The following TANC2 variants were observed in gnomAD, a reference collection of about 807,000 sequenced individuals.
The protein encoded by TANC2 is protein TANC2.
Under a neutral mutation model 210.5 loss-of-function variants are expected in TANC2, and 26 were observed. The ratio of observed to expected loss-of-function variants is 0.12; its 90% CI spans 0.09 to 0.17. The LOEUF (loss-of-function observed/expected upper bound fraction) is 0.17, where lower values mean the gene tolerates loss of function less well. Ranked by LOEUF, TANC2 falls within the 10% of genes least tolerant of loss-of-function variation. The pLI, the probability that TANC2 is intolerant of heterozygous loss-of-function variation, is 1.00. For synonymous variants in TANC2, 931 were observed against 967.1 expected (o/e 0.96, Z 0.69); for missense variants, 2,129 against 2,608.9 (o/e 0.82, Z 4.01).
At position 63,413,033 on chromosome 17, in the gene TANC2, A is replaced by C. The variant is rs9896572; in HGVS notation, c.3928+324A>C. ...ACATTCGAACTGTGCTCCTGCTTCAAAGTGAATCCCGGGGAGTCCTAGTTG... is the reference window on the plus strand; with the variant it reads ...ACATTCGAACTGTGCTCCTGCTTCACAGTGAATCCCGGGGAGTCCTAGTTG... On this transcript the variant is annotated intron_variant, in intron 24 of 27. Coordinates refer to ENST00000689528, the Ensembl canonical transcript of TANC2. The C allele has an allele frequency of 3.1e-3, 1,009 of 326,708 alleles. 8 individuals carry two copies. Among genetic ancestry groups the C allele is most frequent in the African/African-American group, 0.021 (953 of 46,286 alleles). 20.2% of individuals were successfully genotyped at this position (326,708 alleles called of 1,614,324 possible).
chr17:63,287,709 T>C (rs1163346257), intron 9 of TANC2, among the ~76,000 whole-genome samples: 1 of 151,092 alleles, frequency 6.6e-6, no homozygotes, highest in African/African-American at 2.4e-5. Context: ...TTGAGGAGTC[T>C]CTGTCACCCA....
rs1431229856 is a variant in TANC2 at position 63,197,159 on chromosome 17, A to G, written c.582+3020A>G. Among the ~76,000 whole-genome samples, 4 of 152,180 alleles carry G rather than the reference A, an allele frequency of 2.6e-5. No individual in the cohort carries two copies. The East Asian group carries it at 5.8e-4, about 22-fold the overall frequency. On this transcript the variant is annotated intron_variant, in intron 6 of 27. Coordinates refer to ENST00000689528, the Ensembl canonical transcript of TANC2. ...AACTGTGTGATTTGGGGGAAATTAC[A>G]TCATAGCTTTCGTACTTTCATTGGT... is the stretch of plus-strand genomic sequence containing the variant.
intron 1 of TANC2, chr17:63,005,282 C>A (rs949301308): frequency 6.6e-6 from 1 of 151,554 alleles, no homozygotes; most frequent in Non-Finnish European, 1.5e-5. Context: ...ACTGTCTGTT[C>A]TATTCTGTTG....
At chr17:63,375,888 G>C (rs1174899476) in intron 14 of TANC2, among the ~76,000 whole-genome samples, 1 of 152,136 alleles carries the variant, frequency 6.6e-6, no homozygotes, top group Admixed American at 6.6e-5. Context: ...AGGAGTTCAA[G>C]TCCAGCCTGG....
Position 63,412,772 on chromosome 17 carries a change from T to C in TANC2, c.3928+63T>C. On this transcript the variant is annotated intron_variant, in intron 24 of 27. Coordinates refer to ENST00000689528, the Ensembl canonical transcript of TANC2. The surrounding 1 kb of genome is among the most constrained non-coding windows in gnomAD (Gnocchi z 4.2). ...TGGCTTGGTCAGCTTTGCCTTCTCCTCTTTGGTTTAGCCTGCATGAGTTCC... is the reference window on the plus strand; with the variant it reads ...TGGCTTGGTCAGCTTTGCCTTCTCCCCTTTGGTTTAGCCTGCATGAGTTCC... 6.5e-6 allele frequency: 10 copies of C among 1,528,788 alleles called. No individual in the cohort carries two copies. The highest frequency in any genetic ancestry group is 8.7e-6 in the Non-Finnish European group (10 of 1,144,396). The allele number at this position is 1,528,788 out of a possible 1,614,324, so 94.7% of individuals were successfully genotyped here. A position where few individuals can be genotyped will look rare whatever the true frequency, so the allele number is the denominator to read the frequency against.
chr17:63,095,596 C>G (rs1480523503), intron 3 of TANC2, among the ~76,000 whole-genome samples: 1 of 152,106 alleles, frequency 6.6e-6, no homozygotes, highest in Non-Finnish European at 1.5e-5. Flanking sequence ...ATTGAAGACA[C>G]ATAGCAGTGT....
chr17:63,035,029 A>C (rs780776097), intron 2 of TANC2, among the ~76,000 whole-genome samples: 3 of 152,202 alleles, frequency 2.0e-5, no homozygotes, highest in Non-Finnish European at 2.9e-5. Flanking sequence ...CATCAAATAT[A>C]GTATCATTTG....
At chr17:63,170,080 C>G (rs907923795) in intron 5 of TANC2, among the ~76,000 whole-genome samples, 1 of 148,116 alleles carries the variant, frequency 6.8e-6, no homozygotes, top group East Asian at 2.0e-4. Flanking sequence ...GATCGCGCCA[C>G]TGCACTCCAA....
intron 7 of TANC2, among the ~76,000 whole-genome samples, chr17:63,229,811 C>T (rs1389845971): frequency 6.7e-6 from 1 of 149,648 alleles, no homozygotes; most frequent in Non-Finnish European, 1.5e-5. Flanking sequence ...ACTCTGTTGC[C>T]CAGGCTGGAG....
intron 14 of TANC2, among the ~76,000 whole-genome samples, chr17:63,367,786 C>T (rs1420797012): frequency 6.6e-6 from 1 of 152,016 alleles, no homozygotes; most frequent in African/African-American, 2.4e-5. Flanking sequence ...GAATAAGATG[C>T]GTGATCAGGA....
chr17:62,978,485 C>T (rs2032140285), intron 1 of TANC2: 1 of 152,166 alleles, frequency 6.6e-6, no homozygotes, highest in South Asian at 2.1e-4. Flanking sequence ...AGAGGGGACT[C>T]TATGGGTCCT....
intron 7 of TANC2, among the ~76,000 whole-genome samples, chr17:63,205,499 T>A (rs776213004): frequency 6.6e-5 from 10 of 152,134 alleles, no homozygotes; most frequent in Non-Finnish European, 1.0e-4. Context: ...CTTTGGACAT[T>A]GCATTTGGTA....
intron 1 of TANC2, among the ~76,000 whole-genome samples, chr17:62,970,527 TTAAG>T (rs1409648021): frequency 2.2e-5 from 2 of 91,122 alleles, no homozygotes; most frequent in African/African-American, 2.1e-4. Context: ...TCTTTATTTC[TTAAG>T]TGAGTATGAA....
intron 4 of TANC2, among the ~76,000 whole-genome samples, chr17:63,138,521 G>T (rs146140979): frequency 7.2e-5 from 11 of 152,094 alleles, no homozygotes; most frequent in African/African-American, 2.2e-4. Flanking sequence ...TGCTTGGACG[G>T]TTGTTGGAAG....
chr17:63,359,398 C>G (rs183839679), intron 14 of TANC2, among the ~76,000 whole-genome samples: 1 of 150,612 alleles, frequency 6.6e-6, no homozygotes, highest in Non-Finnish European at 1.5e-5. Context: ...GGCTAGAGTG[C>G]AGTGATGCGA....
intron 8 of TANC2, among the ~76,000 whole-genome samples, chr17:63,239,653 T>G (rs2042719722): frequency 6.6e-6 from 1 of 152,208 alleles, no homozygotes; most frequent in South Asian, 2.1e-4. Flanking sequence ...TCCTAGGACC[T>G]TCTAACTATG....
At chr17:63,161,242 G>A (rs2145482321) in intron 5 of TANC2, among the ~76,000 whole-genome samples, 1 of 152,214 alleles carries the variant, frequency 6.6e-6, no homozygotes, top group East Asian at 1.9e-4. Context: ...TGCACCTGTG[G>A]TCCCAGCTAC....
At chr17:63,031,255 G>A (rs1341451793) in intron 2 of TANC2, among the ~76,000 whole-genome samples, 1 of 151,890 alleles carries the variant, frequency 6.6e-6, no homozygotes, top group Non-Finnish European at 1.5e-5. Context: ...AATCTTTTTT[G>A]TACCTGAAAG....
intron 12 of TANC2, among the ~76,000 whole-genome samples, chr17:63,341,250 C>G (rs1450561614): frequency 6.6e-6 from 1 of 152,194 alleles, no homozygotes; most frequent in Non-Finnish European, 1.5e-5. Context: ...TTCTCTTTCT[C>G]CTCTACTCTG....
Sources: gnomAD v4.1 joint callset for allele counts (sites outside exome capture counted in the v4.1 genomes callset) on GRCh38, gnomAD v4.1.1 for gene constraint, Gnocchi (gnomAD v3.1) non-coding constraint, MANE v1.5 for transcripts, NCBI Gene and HGNC (gene_info 2026-07-23, HGNC 2026-07-21) for gene names.